The following DIPK1A variants were observed in gnomAD, a reference collection of about 807,000 sequenced individuals.
DIPK1A encodes the protein divergent protein kinase domain 1A.
Under a neutral mutation model 40.8 loss-of-function variants are expected in DIPK1A, and 27 were observed. The ratio of observed to expected loss-of-function variants is 0.66; its 90% CI spans 0.49 to 0.91. The LOEUF (loss-of-function observed/expected upper bound fraction) is 0.91. Among genes scored for constraint, DIPK1A ranks in the 40% least tolerant of loss-of-function variants. The pLI is 0.00. For synonymous variants in DIPK1A, 166 were observed against 171.3 expected, an observed-to-expected ratio of 0.97 and a Z score of 0.24; for missense variants, 412 against 505.7, an observed-to-expected ratio of 0.81 and a Z score of 1.78.
chr1:92,833,295 A>C, intron 4 of DIPK1A: 1 of 1,015,532 alleles, frequency 9.8e-7, no homozygotes, highest in Non-Finnish European at 1.5e-6. Flanking sequence ...TTTACTCTTG[A>C]AGTTCAAGTG....
intron 1 of DIPK1A, among the ~76,000 whole-genome samples, chr1:92,905,615 CTTT>C (rs1420581605): frequency 1.3e-5 from 2 of 152,048 alleles, no homozygotes; most frequent in East Asian, 3.8e-4. Context: ...TGTGCAGAAG[CTTT>C]TTAACTTGAC....
At chr1:92,846,593 T>C in intron 4 of DIPK1A, 1 of 428,136 alleles carries the variant, frequency 2.3e-6, no homozygotes, top group South Asian at 1.6e-5. Context: ...TCATAAATAA[T>C]GTTAAAGTAA....
intron 4 of DIPK1A, chr1:92,846,310 G>A (rs1345604098): frequency 6.5e-6 from 1 of 153,948 alleles, no homozygotes; most frequent in Non-Finnish European, 1.5e-5. Flanking sequence ...AATCCTTTTA[G>A]TTTTTTGAAA....
At chr1:92,848,693 T>C (rs1687713282) in intron 3 of DIPK1A, among the ~76,000 whole-genome samples, 1 of 152,234 alleles carries the variant, frequency 6.6e-6, no homozygotes. Flanking sequence ...AGTTCATTAC[T>C]ATCTGTCTCA....
chr1:92,870,075 T>TAC (rs3221733), intron 2 of DIPK1A, among the ~76,000 whole-genome samples: 1,374 of 66,390 alleles, frequency 0.021, 16 homozygotes, highest in African/African-American at 0.024. Flanking sequence ...GAATTATATA[T>TAC]ACACACACAC....
chr1:92,927,970 T>C (rs868556445), intron 1 of DIPK1A, among the ~76,000 whole-genome samples: 2 of 152,360 alleles, frequency 1.3e-5, no homozygotes, highest in Middle Eastern at 3.4e-3. Context: ...ACTGGGTATA[T>C]ATCTAGGAGG....
chr1:92,844,330 A>G (rs1687502817), intron 4 of DIPK1A, 135 bp from the exon 5 acceptor site: 1 of 626,974 alleles, frequency 1.6e-6, no homozygotes, highest in African/African-American at 1.8e-5. Context: ...AACTTAATGT[A>G]TTATATCTCC....
At chr1:92,885,754 G>A (rs1041910158) in intron 1 of DIPK1A, among the ~76,000 whole-genome samples, 1 of 152,166 alleles carries the variant, frequency 6.6e-6, no homozygotes, top group African/African-American at 2.4e-5. Context: ...ATACATTAGA[G>A]CTAGAAGAGT....
Position 92,861,047 on chromosome 1 carries a change from A to AT in DIPK1A, c.190-10093dup, listed in dbSNP as rs199909543. On this transcript the variant is annotated intron_variant, in intron 2 of 4. Transcript: ENST00000370310. Reference sequence around the variant, plus strand: ...CTCCTTCCCAATCTCTATGTCTTTTATTTTTTTTCTTGACTTATTACAGTG... The same window carrying AT: ...CTCCTTCCCAATCTCTATGTCTTTTATTTTTTTTTCTTGACTTATTACAGTG... Among the ~76,000 whole-genome samples, 264 of 151,566 alleles carry AT rather than the reference A, an allele frequency of 1.7e-3. 1 individual carries two copies. The highest frequency in any genetic ancestry group is 6.4e-3 in the Admixed American group (97 of 15,190).
At chr1:92,859,426 C>T (rs1284073806) in intron 2 of DIPK1A, among the ~76,000 whole-genome samples, 1 of 152,106 alleles carries the variant, frequency 6.6e-6, no homozygotes. Context: ...GCAACACACA[C>T]ATCCTCTCCA....
At chr1:92,836,117 A>T in intron 4 of DIPK1A, 1 of 1,386,208 alleles carries the variant, frequency 7.2e-7, no homozygotes, top group Non-Finnish European at 1.0e-6. Context: ...CCTTACGGTT[A>T]TGACATAAGC....
intron 2 of DIPK1A, among the ~76,000 whole-genome samples, chr1:92,871,497 T>G (rs1216206981): frequency 6.6e-6 from 1 of 151,998 alleles, no homozygotes; most frequent in Non-Finnish European, 1.5e-5. Context: ...ATTTTTTCTA[T>G]GTTAGTTTGG....
intron 1 of DIPK1A, among the ~76,000 whole-genome samples, chr1:92,959,578 A>G (rs1213843601): frequency 7.3e-5 from 11 of 150,238 alleles, no homozygotes. Flanking sequence ...CAGCCTCCCG[A>G]GTAGCTGGGA....
intron 1 of DIPK1A, among the ~76,000 whole-genome samples, chr1:92,880,668 C>T (rs991769137): frequency 4.0e-5 from 6 of 148,196 alleles, no homozygotes; most frequent in African/African-American, 2.5e-5. Flanking sequence ...AAGGATAGAG[C>T]CCATCCTGGC....
rs947863592 is a variant in DIPK1A at position 92,947,625 on chromosome 1, G to A, written c.54+13751C>T. ...TATCCAAAGGAAAGGAAATCAGTAT[G>A]GAGAGACAGCTGTACTTCCATGTTT... On this transcript the variant is annotated intron_variant, in intron 1 of 4. Coordinates refer to ENST00000370310, the MANE Select transcript of DIPK1A (RefSeq NM_001006605.5). 2.0e-5 allele frequency among the ~76,000 whole-genome samples: 3 copies of A among 152,290 alleles called. No homozygotes were observed. The East Asian group carries it at 5.8e-4, about 29-fold the overall frequency.
intron 1 of DIPK1A, among the ~76,000 whole-genome samples, chr1:92,954,922 T>C (rs906559725): frequency 1.3e-5 from 2 of 152,124 alleles, no homozygotes; most frequent in African/African-American, 4.8e-5. Context: ...AATTGCCAAA[T>C]ACTGGAAGCA....
intron 1 of DIPK1A, among the ~76,000 whole-genome samples, chr1:92,887,042 C>T (rs1648635671): frequency 6.6e-6 from 1 of 152,024 alleles, no homozygotes; most frequent in African/African-American, 2.4e-5. Context: ...GCCTCACCTT[C>T]CCTGCCTCAT....
At chr1:92,890,550 T>G (rs1264596655) in intron 1 of DIPK1A, among the ~76,000 whole-genome samples, 1 of 152,196 alleles carries the variant, frequency 6.6e-6, no homozygotes, top group East Asian at 1.9e-4. Flanking sequence ...TATTGAATAG[T>G]TTTTGGTATT....
At chr1:92,849,703 G>C (rs1390527152) in intron 3 of DIPK1A, among the ~76,000 whole-genome samples, 2 of 151,896 alleles carry the variant, frequency 1.3e-5, no homozygotes, top group Non-Finnish European at 2.9e-5. Flanking sequence ...TAGTAGAGAG[G>C]GGGTATCGCA....
Sources: gnomAD v4.1 joint callset for allele counts (sites outside exome capture counted in the v4.1 genomes callset) on GRCh38, gnomAD v4.1.1 for gene constraint, MANE v1.5 for transcripts, NCBI Gene and HGNC (gene_info 2026-07-23, HGNC 2026-07-21) for gene names.